ST7: variants seen among roughly 807,000 people sequenced by gnomAD.
ST7 encodes suppressor of tumorigenicity 7 protein.
Under a neutral mutation model 78.7 loss-of-function variants are expected in ST7, and 28 were observed. The observed-to-expected ratio is 0.36, with a 90% CI of 0.26 to 0.49. The LOEUF (loss-of-function observed/expected upper bound fraction) is 0.49. ST7 is among the 20% of genes least tolerant of loss of function. ST7 has a pLI of 0.99. For missense variants in ST7, 418 were observed against 696.0 expected (o/e 0.60, Z 4.49); for synonymous variants, 247 against 249.6 (o/e 0.99, Z 0.10).
chr7:117,228,642 C>T (rs3808193), intron 15 of ST7, among the ~76,000 whole-genome samples: 44,206 of 152,052 alleles, frequency 0.29, 6,987 homozygotes, highest in Non-Finnish European at 0.35. Context: ...TACCTCTTCT[C>T]GAAGACCCAC....
chr7:117,052,744 A>G (rs1797849538), intron 1 of ST7, among the ~76,000 whole-genome samples: 1 of 152,304 alleles, frequency 6.6e-6, no homozygotes, highest in South Asian at 2.1e-4. Context: ...AATACAAAAA[A>G]TTAGCTGGGC....
intron 2 of ST7, among the ~76,000 whole-genome samples, chr7:117,116,528 C>A (rs1802899111): frequency 6.6e-6 from 1 of 152,122 alleles, no homozygotes. Flanking sequence ...TATGTTAAGA[C>A]CCTACATGAA....
Position 117,209,900 on chromosome 7 carries a change from A to T in ST7, c.1368A>T (p.Glu456Asp). 6.2e-7 allele frequency: 1 copy of T among 1,614,070 alleles called. No homozygotes were observed. Among genetic ancestry groups the T allele is most frequent in the African/African-American group, 1.3e-5 (1 of 75,058 alleles). Residue 456 changes from glutamate (E) to aspartate (D), a missense_variant, in exon 13 of 16, where the codon GAA (glutamate) becomes GAT (aspartate). Physicochemically the swap from Glu to Asp is conservative, Grantham distance 45 (BLOSUM62 2). Coordinates refer to ENST00000323984, the MANE Select transcript of ST7 (RefSeq NM_001369598.1). ...ATCTTGCACACTGGAAGAGAGTGGA[A>T]GGGGCTTTGAATCTTTTGCATTGTA... is the stretch of plus-strand genomic sequence containing the variant. Reference protein sequence around the residue: ...FFHLAHWKRVEGALNLLHCTW... With the variant: ...FFHLAHWKRVDGALNLLHCTW...
At chr7:117,217,646 C>A (rs1029342294) in intron 13 of ST7, among the ~76,000 whole-genome samples, 1 of 152,168 alleles carries the variant, frequency 6.6e-6, no homozygotes, top group East Asian at 1.9e-4. Context: ...AAGAAAAGGT[C>A]TGATTGAACT....
At chr7:117,091,700 T>C (rs902678301) in intron 1 of ST7, among the ~76,000 whole-genome samples, 1 of 152,242 alleles carries the variant, frequency 6.6e-6, no homozygotes, top group Admixed American at 6.5e-5. Context: ...TGAATTATTA[T>C]GTTGGTGATG....
chr7:116,978,212 T>G (rs1054357852), intron 1 of ST7, among the ~76,000 whole-genome samples: 2 of 152,230 alleles, frequency 1.3e-5, no homozygotes, highest in African/African-American at 2.4e-5. Context: ...GCCAGGCCAG[T>G]GTCTGTGGAA....
rs58892731 is a variant in ST7 at position 117,152,177 on chromosome 7, C to CTATATA, written c.963+13686_963+13691dup. On this transcript the variant is annotated intron_variant, in intron 9 of 15. Coordinates refer to ENST00000323984, the MANE Select transcript of ST7 (RefSeq NM_001369598.1). ...AATATATGTATTATATATATAAAAA[C>CTATATA]TATATATATATATATATATATATAT... is the stretch of plus-strand genomic sequence containing the variant. Among the ~76,000 whole-genome samples, 250 of 66,740 alleles carry CTATATA rather than the reference C, an allele frequency of 3.7e-3. 14 individuals carry two copies. Among genetic ancestry groups the CTATATA allele is most frequent in the Non-Finnish European group, 5.0e-3 (170 of 34,130 alleles). The allele number at this position is 66,740 out of a possible 152,430, so 43.8% of individuals were successfully genotyped here. A position where few individuals can be genotyped will look rare whatever the true frequency, so the allele number is the denominator to read the frequency against.
chr7:116,972,907 G>A (rs1793505368), intron 1 of ST7: 2 of 1,331,804 alleles, frequency 1.5e-6, no homozygotes, highest in East Asian at 2.3e-5. Context: ...GGTGATCCCA[G>A]CCATGGTGCC....
chr7:117,138,596 A>G, intron 9 of ST7, 64 bp downstream of exon 9: 2 of 1,183,184 alleles, frequency 1.7e-6, no homozygotes, highest in Non-Finnish European at 2.5e-6. Context: ...GAATGGCCAT[A>G]GCAGTCTGTA....
At chr7:117,044,998 T>C (rs2116320562) in intron 1 of ST7, among the ~76,000 whole-genome samples, 1 of 152,324 alleles carries the variant, frequency 6.6e-6, no homozygotes, top group African/African-American at 2.4e-5. Context: ...CTTCCAGTTA[T>C]TGAGACCAAA....
intron 12 of ST7, among the ~76,000 whole-genome samples, chr7:117,203,484 T>TTGCTTTTGGTAGGCTTTGA (rs1284626421): frequency 6.6e-6 from 1 of 152,220 alleles, no homozygotes; most frequent in East Asian, 1.9e-4. Flanking sequence ...ATGCCTTGGT[T>TTGCTTTTGGTAGGCTTTGA]TGCTTTTGGT....
chr7:117,223,989 T>G (rs1234352912), intron 15 of ST7: 1 of 961,026 alleles, frequency 1.0e-6, no homozygotes, highest in Admixed American at 6.2e-5. Flanking sequence ...CTTGTATACT[T>G]ATAATCATAG....
chr7:117,007,581 TGGCTAC>T (rs1795207067), intron 1 of ST7, among the ~76,000 whole-genome samples: 2 of 152,214 alleles, frequency 1.3e-5, no homozygotes, highest in African/African-American at 4.8e-5. Flanking sequence ...CTGATGAAGG[TGGCTAC>T]ACTCAACAAC....
chr7:117,222,206 G>A (rs193594), intron 15 of ST7, 144 bp downstream of exon 15: 597,133 of 925,418 alleles, frequency 0.65, 197,006 homozygotes, highest in East Asian at 0.94. Flanking sequence ...TTTCATGATC[G>A]TCAATGGAAT....
chr7:116,956,657 G>A (rs1182490349), intron 1 of ST7: 1 of 471,078 alleles, frequency 2.1e-6, no homozygotes. Context: ...TTGGATATCT[G>A]CTTGGTATCT....
chr7:117,097,473 C>T (rs1021229536), intron 1 of ST7, among the ~76,000 whole-genome samples: 1 of 151,716 alleles, frequency 6.6e-6, no homozygotes, highest in African/African-American at 2.4e-5. Context: ...TTACAGGCAC[C>T]CACCATGCCC....
At chr7:117,018,650 A>G (rs1021844314) in intron 1 of ST7, among the ~76,000 whole-genome samples, 1 of 152,212 alleles carries the variant, frequency 6.6e-6, no homozygotes, top group African/African-American at 2.4e-5. Flanking sequence ...GAAGCCCAGT[A>G]TATCATTCAC....
intron 1 of ST7, among the ~76,000 whole-genome samples, chr7:117,060,064 T>A (rs1204856892): frequency 6.6e-6 from 1 of 152,162 alleles, no homozygotes; most frequent in East Asian, 1.9e-4. Context: ...ACCTCCACCA[T>A]TTTTAGGATT....
At chr7:117,015,099 G>T in intron 1 of ST7, 1 of 650,068 alleles carries the variant, frequency 1.5e-6, no homozygotes, top group Non-Finnish European at 2.2e-6. Flanking sequence ...AAACTACATT[G>T]ATTGTGTGAG....
Sources: gnomAD v4.1 joint callset for allele counts (sites outside exome capture counted in the v4.1 genomes callset) on GRCh38, gnomAD v4.1.1 for gene constraint, MANE v1.5 for transcripts, NCBI Gene and HGNC (gene_info 2026-07-23, HGNC 2026-07-21) for gene names.